FSHR: variants seen among roughly 807,000 people sequenced by gnomAD.
FSHR encodes the protein follicle stimulating hormone receptor.
Under a neutral mutation model 52.1 loss-of-function variants are expected in FSHR, and 46 were observed. The ratio of observed to expected loss-of-function variants is 0.88; its 90% CI spans 0.70 to 1.13. FSHR has a LOEUF of 1.13. Ranked by LOEUF, FSHR falls within the 50% of genes most tolerant of loss-of-function variation. FSHR has a pLI of 0.00. For missense variants in FSHR, 964 were observed against 834.6 expected, an observed-to-expected ratio of 1.16 and a Z score of -1.91; for synonymous variants, 399 against 309.6, an observed-to-expected ratio of 1.29 and a Z score of -3.03.
intron 2 of FSHR, among the ~76,000 whole-genome samples, chr2:49,041,770 C>T (rs1668486009): frequency 6.6e-6 from 1 of 151,818 alleles, no homozygotes; most frequent in South Asian, 2.1e-4. Context: ...GAACTTCCTT[C>T]CTTTCTCAGC....
Position 49,010,859 on chromosome 2 carries a change from G to A in FSHR, c.374+6630C>T, listed in dbSNP as rs1350232263. ...CTCTCATGGTAGTTTGTATTTCTGT[G>A]GGATCGGTGGTGATATCCCCTTTAT... On this transcript the variant is annotated intron_variant, in intron 4 of 9. Transcript: ENST00000406846. 2.0e-5 allele frequency among the ~76,000 whole-genome samples: 3 copies of A among 152,154 alleles called. No individual in the cohort carries two copies. The East Asian group carries it at 5.8e-4, about 29-fold the overall frequency.
At chr2:49,016,504 C>T (rs1667494053) in intron 4 of FSHR, among the ~76,000 whole-genome samples, 1 of 152,186 alleles carries the variant, frequency 6.6e-6, no homozygotes, top group Admixed American at 6.5e-5. Context: ...TGCTACCCTG[C>T]TAGAAATGAG....
intron 4 of FSHR, chr2:49,014,976 A>T (rs560560459): frequency 1.1e-5 from 5 of 454,722 alleles, no homozygotes; most frequent in South Asian, 8.2e-5. Flanking sequence ...GTTGGGAGAA[A>T]GGAAGAAAGA....
At chr2:49,013,479 TAA>T (rs1277585911) in intron 4 of FSHR, among the ~76,000 whole-genome samples, 141 of 121,298 alleles carry the variant, frequency 1.2e-3, no homozygotes, top group East Asian at 0.011. Flanking sequence ...TATATATATA[TAA>T]ATAAATATAT....
chr2:48,997,417 C>T (rs745374015), intron 4 of FSHR: 112 of 984,086 alleles, frequency 1.1e-4, no homozygotes, highest in Middle Eastern at 5.2e-4. Context: ...TCAGTCCTAT[C>T]GGCTTGGCTG....
At chr2:49,003,391 T>A (rs1027026293) in intron 4 of FSHR, among the ~76,000 whole-genome samples, 3 of 152,062 alleles carry the variant, frequency 2.0e-5, no homozygotes, top group Non-Finnish European at 2.9e-5. Flanking sequence ...AGTGGGGAAA[T>A]CTCCAGCTAC....
intron 4 of FSHR, among the ~76,000 whole-genome samples, chr2:48,994,881 A>G (rs1029501027): frequency 6.6e-6 from 1 of 152,144 alleles, no homozygotes; most frequent in Non-Finnish European, 1.5e-5. Context: ...TGATGTTAGC[A>G]TCTTTCATGC....
chr2:49,011,048 A>G (rs1413587348), intron 4 of FSHR, among the ~76,000 whole-genome samples: 1 of 150,402 alleles, frequency 6.6e-6, no homozygotes, highest in Non-Finnish European at 1.5e-5. Flanking sequence ...CTCTGATTTT[A>G]GTTATTTCTT....
intron 2 of FSHR, among the ~76,000 whole-genome samples, chr2:49,021,882 TATATAGAGAGAGAGAGAG>T (rs1408815836): frequency 0.023 from 997 of 43,860 alleles, 17 homozygotes; most frequent in East Asian, 0.06. Context: ...TATATATATA[TATATAGAGAGAGAGAGAG>T]AGAGAGAGAG....
At chr2:49,095,446 C>G (rs574450984) in intron 1 of FSHR, among the ~76,000 whole-genome samples, 12 of 152,164 alleles carry the variant, frequency 7.9e-5, no homozygotes, top group Non-Finnish European at 1.8e-4. Flanking sequence ...AAATTGAATC[C>G]CTACCTCACA....
chr2:49,116,427 T>C (rs1671602830), intron 1 of FSHR, among the ~76,000 whole-genome samples: 1 of 152,168 alleles, frequency 6.6e-6, no homozygotes, highest in African/African-American at 2.4e-5. Flanking sequence ...GATGAGAGTT[T>C]TAGTCTTTGT....
chr2:48,969,942 G>A (rs933306095), intron 8 of FSHR, among the ~76,000 whole-genome samples: 8 of 152,232 alleles, frequency 5.3e-5, no homozygotes, highest in Non-Finnish European at 1.2e-4. Flanking sequence ...TTGGCCGTGA[G>A]TGGGTACTTC....
intron 8 of FSHR, among the ~76,000 whole-genome samples, chr2:48,969,304 C>T (rs1226960214): frequency 1.3e-5 from 2 of 152,176 alleles, no homozygotes; most frequent in African/African-American, 4.8e-5. Context: ...GGAGTAGAAT[C>T]TGTGGCCAAA....
chr2:49,027,887 C>T (rs957193248), intron 2 of FSHR, among the ~76,000 whole-genome samples: 1 of 144,844 alleles, frequency 6.9e-6, no homozygotes, highest in East Asian at 2.0e-4. Flanking sequence ...GAAGGAAGGA[C>T]AAAGATTTTC....
At chr2:48,991,932 C>G (rs2104106734) in intron 4 of FSHR, among the ~76,000 whole-genome samples, 1 of 151,554 alleles carries the variant, frequency 6.6e-6, no homozygotes, top group Middle Eastern at 3.4e-3. Flanking sequence ...GTTTATGACT[C>G]AAGAAGATTT....
intron 6 of FSHR, among the ~76,000 whole-genome samples, chr2:48,988,354 A>G (rs1417387176): frequency 6.6e-6 from 1 of 152,220 alleles, no homozygotes; most frequent in East Asian, 1.9e-4. Context: ...GATCCCAGGC[A>G]TACTTAGATA....
At chr2:49,038,423 C>T (rs1236742525) in intron 2 of FSHR, among the ~76,000 whole-genome samples, 1 of 151,782 alleles carries the variant, frequency 6.6e-6, no homozygotes, top group Admixed American at 6.6e-5. Context: ...AGATCGAGAC[C>T]ATCCTGGCTA....
intron 2 of FSHR, among the ~76,000 whole-genome samples, chr2:49,036,095 G>A (rs1668262971): frequency 6.6e-6 from 1 of 152,158 alleles, no homozygotes; most frequent in Non-Finnish European, 1.5e-5. Context: ...AAGAAAGGTA[G>A]ATATATGTAC....
intron 9 of FSHR, among the ~76,000 whole-genome samples, chr2:48,967,392 C>T (rs1252178983): frequency 6.6e-6 from 1 of 152,146 alleles, no homozygotes; most frequent in African/African-American, 2.4e-5. Context: ...AGCCACCTTG[C>T]CTGGCCAATC....
Sources: gnomAD v4.1 joint callset for allele counts (sites outside exome capture counted in the v4.1 genomes callset) on GRCh38, gnomAD v4.1.1 for gene constraint, MANE v1.5 for transcripts, NCBI Gene and HGNC (gene_info 2026-07-23, HGNC 2026-07-21) for gene names.